VPS45: variants seen among roughly 807,000 people sequenced by gnomAD.
VPS45 encodes the protein vacuolar protein sorting 45 homolog, also known as vacuolar protein sorting-associated protein 45.
Under a neutral mutation model 75.9 loss-of-function variants are expected in VPS45, and 35 were observed. The observed-to-expected ratio is 0.46, with a 90% CI of 0.35 to 0.61. The LOEUF is 0.61. VPS45 is among the 20% of genes least tolerant of loss of function. VPS45 has a pLI of 0.00. For missense variants in VPS45, 559 were observed against 685.9 expected, an observed-to-expected ratio of 0.81 and a Z score of 2.07; for synonymous variants, 220 against 238.2, an observed-to-expected ratio of 0.92 and a Z score of 0.70.
At chr1:150,082,141 A>ACAAT in intron 9 of VPS45, 144 bp downstream of exon 9, 1 of 603,454 alleles carries the variant, frequency 1.7e-6, no homozygotes, top group Non-Finnish European at 2.9e-6. Context: ...ATGTCTTTAA[A>ACAAT]CAATATAGTG....
At chr1:150,126,222 T>G (rs1658510157) in intron 14 of VPS45, among the ~76,000 whole-genome samples, 1 of 151,976 alleles carries the variant, frequency 6.6e-6, no homozygotes, top group Non-Finnish European at 1.5e-5. Context: ...TTTTGTTTTG[T>G]TTTTTTGAGA....
intron 14 of VPS45, chr1:150,143,041 T>G: frequency 3.4e-6 from 1 of 296,900 alleles, no homozygotes. Context: ...ATTGGATACC[T>G]CTGTGTTAAG....
chr1:150,108,929 G>C (rs1197077951), intron 13 of VPS45, among the ~76,000 whole-genome samples: 1 of 152,180 alleles, frequency 6.6e-6, no homozygotes, highest in Non-Finnish European at 1.5e-5. Flanking sequence ...TTGGTCCTCA[G>C]CCTGGGTTTG....
intron 14 of VPS45, among the ~76,000 whole-genome samples, chr1:150,130,866 A>C (rs1423563129): frequency 6.6e-6 from 1 of 152,194 alleles, no homozygotes; most frequent in Non-Finnish European, 1.5e-5. Context: ...ACTTCATTAC[A>C]TATATTATCT....
Position 150,068,672 on chromosome 1 carries a change from C to G in VPS45, c.136C>G (p.Gln46Glu). 1 of 1,611,940 alleles carries G rather than the reference C, an allele frequency of 6.2e-7. No homozygotes were observed. The highest frequency in any genetic ancestry group is 8.5e-7 in the Non-Finnish European group (1 of 1,178,996). ...SMVYTQSEIL[Q>E]KEVYLFERID... ...GGTATACACACAATCGGAGATTCTACAGAAGGAAGTGTACCTCTTTGAACG... is the reference window on the plus strand; with the variant it reads ...GGTATACACACAATCGGAGATTCTAGAGAAGGAAGTGTACCTCTTTGAACG... The change falls in exon 2 of 15, where the codon CAG becomes GAG. Residue 46 changes from glutamine (Q) to glutamate (E), a missense_variant. Physicochemically the swap from Gln to Glu is conservative, Grantham distance 29. Coordinates refer to ENST00000644510, the MANE Select transcript of VPS45 (RefSeq NM_007259.5).
intron 7 of VPS45, among the ~76,000 whole-genome samples, chr1:150,080,498 T>C (rs1284675209): frequency 6.6e-6 from 1 of 152,226 alleles, no homozygotes; most frequent in African/African-American, 2.4e-5. Context: ...CAAGAATTCC[T>C]TTGGCAAATC....
intron 13 of VPS45, among the ~76,000 whole-genome samples, chr1:150,103,109 A>G (rs1255694668): frequency 5.3e-5 from 8 of 151,894 alleles, no homozygotes; most frequent in African/African-American, 1.9e-4. Context: ...TTATCCTTGT[A>G]TATCTCTATA....
chr1:150,142,727 A>C, intron 14 of VPS45: 1 of 346,894 alleles, frequency 2.9e-6, no homozygotes, highest in Non-Finnish European at 5.8e-6. Flanking sequence ...GTGCAATGGC[A>C]CAATCTTGGC....
At chr1:150,107,371 T>G (rs933579370) in intron 13 of VPS45, among the ~76,000 whole-genome samples, 1 of 152,218 alleles carries the variant, frequency 6.6e-6, no homozygotes, top group African/African-American at 2.4e-5. Flanking sequence ...AACAAAGTTA[T>G]GGACTCCCCC....
At chr1:150,096,274 CAA>C (rs1378818934) in intron 13 of VPS45, among the ~76,000 whole-genome samples, 4 of 152,046 alleles carry the variant, frequency 2.6e-5, no homozygotes, top group Non-Finnish European at 5.9e-5. Context: ...GAAATGGAAA[CAA>C]GAGGAGAGTG....
intron 2 of VPS45, 64 bp downstream of exon 2, chr1:150,068,828 T>A: frequency 7.1e-7 from 1 of 1,399,902 alleles, no homozygotes. Flanking sequence ...CTGAAAGCAT[T>A]AAGAAGGCAA....
intron 14 of VPS45, among the ~76,000 whole-genome samples, chr1:150,135,033 A>G (rs1419664364): frequency 6.6e-6 from 1 of 152,160 alleles, no homozygotes; most frequent in Non-Finnish European, 1.5e-5. Flanking sequence ...GGAGGAGTCA[A>G]ACAAATTCTG....
At position 150,082,718 on chromosome 1, in the gene VPS45, G is replaced by A. The variant is rs142461153; in HGVS notation, c.939G>A (p.Ala313=). Residue 313 remains alanine, a splice_region_variant and synonymous_variant, in exon 10 of 15, where the codon GCG becomes GCA. Coordinates refer to ENST00000644510, the MANE Select transcript of VPS45 (RefSeq NM_007259.5). ...QKLESIADMK[A]FVENYPQFKK... Reference sequence around the variant, plus strand: ...CATTGATGTTTTTCCCATGGCAGGCGTTTGTTGAGAATTATCCACAGTTCA... The same window carrying A: ...CATTGATGTTTTTCCCATGGCAGGCATTTGTTGAGAATTATCCACAGTTCA... 75 of 1,611,352 alleles carry A rather than the reference G, an allele frequency of 4.7e-5. No homozygotes were observed. The East Asian group carries it at 8.9e-4, about 19-fold the overall frequency.
chr1:150,092,518 G>A, intron 12 of VPS45, 109 bp downstream of exon 12: 1 of 865,700 alleles, frequency 1.2e-6, no homozygotes, highest in Admixed American at 3.1e-5. Flanking sequence ...TGCTAATTTA[G>A]TACTGTGTCA....
chr1:150,067,796 G>C lies in VPS45; in HGVS notation c.-62G>C. On this transcript the variant is annotated 5_prime_UTR_variant, in exon 1 of 15. Coordinates refer to ENST00000644510, the MANE Select transcript of VPS45 (RefSeq NM_007259.5). The stretch of plus-strand genomic sequence containing the variant: ...CAGCTGAGACCCGGCCAACAGACTG[G>C]GGGTTAATTTAGCCAGAAAAGGGGG... 1.3e-6 allele frequency: 2 copies of C among 1,546,014 alleles called. No homozygotes were observed. The highest frequency in any genetic ancestry group is 1.8e-6 in the Non-Finnish European group (2 of 1,121,336).
At position 150,092,349 on chromosome 1, in the gene VPS45, T is replaced by C. The variant is rs368161743; in HGVS notation, c.1311T>C (p.Ser437=). 6.2e-7 allele frequency: 1 copy of C among 1,614,046 alleles called. No homozygotes were observed. The highest frequency in any genetic ancestry group is 8.5e-7 in the Non-Finnish European group (1 of 1,180,012). Reference sequence around the variant, plus strand: ...ATGGTGGTAAACGAGTCAGAGGAAGTGACCTCTTCAGCCCCAAAGATGCTG... The same window carrying C: ...ATGGTGGTAAACGAGTCAGAGGAAGCGACCTCTTCAGCCCCAAAGATGCTG... ...VEYGGKRVRG[S]DLFSPKDAVA... is the part of the protein sequence containing the mutation. Residue 437 remains serine, a synonymous_variant, in exon 12 of 15, where the codon AGT becomes AGC. Transcript: ENST00000644510.
chr1:150,107,002 G>A (rs1378755349), intron 13 of VPS45, among the ~76,000 whole-genome samples: 1 of 152,200 alleles, frequency 6.6e-6, no homozygotes. Flanking sequence ...TTGAGACTCA[G>A]TTGGGCCTCA....
At chr1:150,070,764 A>G (rs1571810260) in intron 2 of VPS45, among the ~76,000 whole-genome samples, 2 of 152,102 alleles carry the variant, frequency 1.3e-5, no homozygotes, top group African/African-American at 4.8e-5. Flanking sequence ...AGCTGAGATC[A>G]CGCCACTGTA....
intron 14 of VPS45, among the ~76,000 whole-genome samples, chr1:150,128,665 A>G (rs1456777087): frequency 6.6e-6 from 1 of 152,206 alleles, no homozygotes; most frequent in Admixed American, 6.5e-5. Context: ...TCAAAGAGGC[A>G]GGAACCCAGA....
Sources: gnomAD v4.1 joint callset for allele counts (sites outside exome capture counted in the v4.1 genomes callset) on GRCh38, gnomAD v4.1.1 for gene constraint, MANE v1.5 for transcripts, NCBI Gene and HGNC (gene_info 2026-07-23, HGNC 2026-07-21) for gene names.